TUT4: variants seen among roughly 807,000 people sequenced by gnomAD.
TUT4 encodes terminal uridylyl transferase 4.
In TUT4, 36 loss-of-function variants were observed where a neutral mutation model predicts 192.2. That is an observed-to-expected ratio of 0.19 (90% CI 0.14 to 0.25). The LOEUF (loss-of-function observed/expected upper bound fraction) is 0.25, where lower values mean the gene tolerates loss of function less well. Ranked by LOEUF, TUT4 falls within the 10% of genes least tolerant of loss-of-function variation. The pLI, the probability that TUT4 is intolerant of heterozygous loss-of-function variation, is 1.00. For missense variants in TUT4, 1,493 were observed against 1,957.2 expected (o/e 0.76, Z 4.47); for synonymous variants, 618 against 666.0 (o/e 0.93, Z 1.11).
rs968287782 is a variant in TUT4 at position 52,510,452 on chromosome 1, T to C, written c.883-740A>G. 1.9e-4 allele frequency among the ~76,000 whole-genome samples: 29 copies of C among 151,872 alleles called. No individual in the cohort carries two copies. In the South Asian group the frequency reaches 5.6e-3, roughly 29 times the overall value. On this transcript the variant is annotated intron_variant, in intron 3 of 29. Coordinates refer to ENST00000257177, the MANE Select transcript of TUT4 (RefSeq NM_001009881.3). ...TAAAAAAATAAAATCTGCCCTCGAATTGGGGATTTCAAAAGAATGGGCCAC... is the reference window on the plus strand; with the variant it reads ...TAAAAAAATAAAATCTGCCCTCGAACTGGGGATTTCAAAAGAATGGGCCAC...
intron 14 of TUT4, among the ~76,000 whole-genome samples, chr1:52,471,667 T>C (rs2148845282): frequency 6.6e-6 from 1 of 152,326 alleles, no homozygotes; most frequent in South Asian, 2.1e-4. Context: ...TTAATTTTAA[T>C]TGATTTAAAG....
intron 1 of TUT4, among the ~76,000 whole-genome samples, chr1:52,545,966 CAAAA>C (rs71041901): frequency 8.3e-5 from 6 of 72,406 alleles, no homozygotes; most frequent in Non-Finnish European, 1.6e-4. Flanking sequence ...TACAAAAATA[CAAAA>C]AAAAAAAAAA....
At chr1:52,508,456 T>C (rs939948042) in intron 4 of TUT4, among the ~76,000 whole-genome samples, 2 of 152,200 alleles carry the variant, frequency 1.3e-5, no homozygotes, top group Admixed American at 1.3e-4. Flanking sequence ...CCCTGTTCTA[T>C]CTGCTTCAGT....
intron 5 of TUT4, among the ~76,000 whole-genome samples, chr1:52,496,226 T>C (rs764570105): frequency 6.6e-6 from 1 of 152,156 alleles, no homozygotes; most frequent in Non-Finnish European, 1.5e-5. Context: ...TTCAAGTTCA[T>C]AAAATGTCTG....
rs780205463 is a variant in TUT4 at position 52,475,424 on chromosome 1, G to A, written c.2135C>T (p.Thr712Met). ...CACTGTAGACTTATTTCCACCCTTCGTCTGAGGACAGGCAAAATACCGATA... is the reference window on the plus strand; with the variant it reads ...CACTGTAGACTTATTTCCACCCTTCATCTGAGGACAGGCAAAATACCGATA... Reference protein sequence around the residue: ...AAYRYFACPQTKGGNKSTVDF... With the variant: ...AAYRYFACPQMKGGNKSTVDF... The change falls in exon 13 of 30, where the codon ACG becomes ATG. Residue 712 changes from threonine (T) to methionine (M), a missense_variant. Thr to Met is a moderately conservative substitution (Grantham distance 81). Coordinates refer to ENST00000257177, the MANE Select transcript of TUT4 (RefSeq NM_001009881.3). 20 of 1,613,570 alleles carry A rather than the reference G, an allele frequency of 1.2e-5. 1 individual carries two copies. Among genetic ancestry groups the A allele is most frequent in the South Asian group, 4.4e-5 (4 of 91,062 alleles).
chr1:52,431,003 G>A lies in TUT4; in HGVS notation c.4711+10C>T. The A allele has an allele frequency of 6.5e-7, 1 of 1,545,482 alleles. No individual in the cohort carries two copies. The highest frequency in any genetic ancestry group is 1.2e-5 in the South Asian group (1 of 81,720). Reference sequence around the variant, plus strand: ...ACATGCAGATAAAAAAGAAGAAAAGGAAAGGTTACCTGAATTCCCCACTGC... The same window carrying A: ...ACATGCAGATAAAAAAGAAGAAAAGAAAAGGTTACCTGAATTCCCCACTGC... On this transcript the variant is annotated intron_variant, in intron 28 of 29. Transcript: ENST00000257177.
rs1246767666 is a variant in TUT4, at chr1:52,466,150, T to C, written c.2966-977A>G. On this transcript the variant is annotated intron_variant, in intron 15 of 29. Coordinates refer to ENST00000257177, the MANE Select transcript of TUT4 (RefSeq NM_001009881.3). ...GATGCTCTACTTGAAATTTCAATGA[T>C]AGCTGAGAGGCAAAAAAGAAGCTAT... Among the ~76,000 whole-genome samples, 9 of 152,276 alleles carry C rather than the reference T, an allele frequency of 5.9e-5. No homozygotes were observed. In the South Asian group the frequency reaches 1.7e-3, roughly 28 times the overall value.
At chr1:52,484,183 TG>T (rs1455974510) in intron 9 of TUT4, among the ~76,000 whole-genome samples, 5 of 151,826 alleles carry the variant, frequency 3.3e-5, no homozygotes, top group Non-Finnish European at 7.4e-5. Context: ...CACTGCACTC[TG>T]GCCTGGGCAA....
intron 15 of TUT4, among the ~76,000 whole-genome samples, chr1:52,466,190 A>G (rs946770329): frequency 6.6e-6 from 1 of 152,212 alleles, no homozygotes; most frequent in Admixed American, 6.5e-5. Context: ...ATCAGCAAAT[A>G]AAACTGAGCA....
intron 24 of TUT4, among the ~76,000 whole-genome samples, chr1:52,445,509 T>G (rs1005402696): frequency 2.6e-5 from 4 of 152,164 alleles, no homozygotes; most frequent in Non-Finnish European, 5.9e-5. Context: ...CGCCAGACAC[T>G]ATGTATGTAC....
chr1:52,490,891 A>G, intron 7 of TUT4, 90 bp from the exon 8 acceptor site: 2 of 1,039,832 alleles, frequency 1.9e-6, no homozygotes, highest in Non-Finnish European at 1.4e-6. Context: ...CCTTCTGAAA[A>G]TTATTCTCAT....
At chr1:52,463,804 G>A in intron 16 of TUT4, 1 of 1,303,692 alleles carries the variant, frequency 7.7e-7, no homozygotes, top group Non-Finnish European at 1.0e-6. Context: ...GAAAGCGTAA[G>A]TACCCACTCT....
chr1:52,485,834 G>A (rs1337682057), intron 9 of TUT4, among the ~76,000 whole-genome samples: 1 of 151,946 alleles, frequency 6.6e-6, no homozygotes, highest in Non-Finnish European at 1.5e-5. Context: ...CATTTAGATT[G>A]TAGCATCTAT....
At chr1:52,533,176 C>G (rs1683961964) in intron 1 of TUT4, among the ~76,000 whole-genome samples, 1 of 152,184 alleles carries the variant, frequency 6.6e-6, no homozygotes, top group African/African-American at 2.4e-5. Flanking sequence ...CCTGAATGAC[C>G]ACATGGAACA....
intron 16 of TUT4, among the ~76,000 whole-genome samples, chr1:52,464,029 G>A (rs1258846875): frequency 1.3e-5 from 2 of 152,076 alleles, no homozygotes; most frequent in Non-Finnish European, 2.9e-5. Flanking sequence ...TACGAATCCC[G>A]GCTCCAACAA....
Position 52,490,766 on chromosome 1 carries a change from T to C in TUT4, c.1354A>G (p.Lys452Glu). 1.9e-6 allele frequency: 3 copies of C among 1,612,948 alleles called. No homozygotes were observed. The highest frequency in any genetic ancestry group is 2.2e-5 in the East Asian group (1 of 44,826). ...TCTCTGCACACCACAACAGGAACTTTAGCGTGAAAATCAGATTCCACATCT... is the reference window on the plus strand; with the variant it reads ...TCTCTGCACACCACAACAGGAACTTCAGCGTGAAAATCAGATTCCACATCT... Reference protein sequence around the residue: ...YVDVESDFHAKVPVVVCRDRK... With the variant: ...YVDVESDFHAEVPVVVCRDRK... The change falls in exon 8 of 30, where the codon AAA becomes GAA. Residue 452 changes from lysine (K) to glutamate (E), a missense_variant. Physicochemically the swap from Lys to Glu is moderately conservative, Grantham distance 56. Transcript: ENST00000257177.
intron 16 of TUT4, chr1:52,462,191 T>TC (rs1278620624): frequency 4.6e-5 from 7 of 151,938 alleles, no homozygotes; most frequent in African/African-American, 1.7e-4. Flanking sequence ...TTTTTTTTTT[T>TC]TTTTCTTTTT....
chr1:52,443,854 T>C (rs1656510690), intron 24 of TUT4, among the ~76,000 whole-genome samples: 2 of 152,362 alleles, frequency 1.3e-5, no homozygotes, highest in South Asian at 4.1e-4. Flanking sequence ...AATAGTTGGA[T>C]TCCTCACAAT....
At chr1:52,459,031 TC>T (rs573473246) in intron 19 of TUT4, among the ~76,000 whole-genome samples, 78 of 151,716 alleles carry the variant, frequency 5.1e-4, no homozygotes, top group African/African-American at 1.7e-3. Context: ...AAGAACGAAG[TC>T]CCCTGATGGT....
Sources: gnomAD v4.1 joint callset for allele counts (sites outside exome capture counted in the v4.1 genomes callset) on GRCh38, gnomAD v4.1.1 for gene constraint, MANE v1.5 for transcripts, NCBI Gene and HGNC (gene_info 2026-07-23, HGNC 2026-07-21) for gene names.